The following MBNL1 variants were observed in gnomAD, a reference collection of about 807,000 sequenced individuals.
MBNL1 encodes muscleblind like splicing regulator 1, also known as muscleblind-like protein 1.
Under a neutral mutation model 42.2 loss-of-function variants are expected in MBNL1, and 8 were observed. That is an observed-to-expected ratio of 0.19 (90% CI 0.11 to 0.34). The LOEUF (loss-of-function observed/expected upper bound fraction) is 0.34, where lower values mean the gene tolerates loss of function less well. Ranked by LOEUF, MBNL1 falls within the 10% of genes least tolerant of loss-of-function variation. MBNL1 has a pLI of 1.00. For missense variants in MBNL1, 309 were observed against 495.3 expected (o/e 0.62, Z 3.57); for synonymous variants, 169 against 173.9 (o/e 0.97, Z 0.22).
intron 2 of MBNL1, among the ~76,000 whole-genome samples, chr3:152,354,465 A>G (rs1047765682): frequency 2.0e-5 from 3 of 152,208 alleles, no homozygotes; most frequent in African/African-American, 7.2e-5. Flanking sequence ...TAAAAAAGAA[A>G]AAATTACGTA....
At chr3:152,458,158 G>A (rs1254252091) in intron 8 of MBNL1, 3 of 1,613,860 alleles carry the variant, frequency 1.9e-6, no homozygotes. Context: ...TACACTGTTG[G>A]GTGCAACATC....
intron 2 of MBNL1, chr3:152,396,127 T>C: frequency 3.1e-6 from 1 of 319,480 alleles, no homozygotes; most frequent in South Asian, 2.6e-5. Flanking sequence ...TATGAGAATC[T>C]AATGCCTGAT....
chr3:152,256,882 A>G (rs940791273), intron 2 of MBNL1, among the ~76,000 whole-genome samples: 6 of 151,918 alleles, frequency 3.9e-5, no homozygotes, highest in Non-Finnish European at 7.4e-5. Context: ...CTGGCCTTGG[A>G]CTGAGTGTGT....
intron 6 of MBNL1, among the ~76,000 whole-genome samples, chr3:152,453,062 AAAT>A (rs1021065828): frequency 6.6e-5 from 10 of 151,654 alleles, no homozygotes; most frequent in African/African-American, 1.7e-4. Context: ...TAATTAATAA[AAAT>A]AAAGAAGGTA....
At chr3:152,332,739 T>TGCGTGTGCGCGC (rs1553840940) in intron 2 of MBNL1, among the ~76,000 whole-genome samples, 1 of 115,646 alleles carries the variant, frequency 8.6e-6, no homozygotes, top group Non-Finnish European at 1.9e-5. Context: ...TGTGTGTGTG[T>TGCGTGTGCGCGC]GCGCGCGCGC....
intron 1 of MBNL1, among the ~76,000 whole-genome samples, chr3:152,292,459 A>G (rs918234854): frequency 4.6e-5 from 7 of 152,142 alleles, no homozygotes; most frequent in Non-Finnish European, 1.0e-4. Flanking sequence ...TAGGGAACCA[A>G]ACTGTTGAAT....
intron 4 of MBNL1, among the ~76,000 whole-genome samples, chr3:152,443,645 G>T (rs1463048804): frequency 6.6e-6 from 1 of 151,874 alleles, no homozygotes; most frequent in Non-Finnish European, 1.5e-5. Context: ...CAGCCAGAGA[G>T]GAGGATAATT....
chr3:152,323,008 A>G (rs1357075524), intron 2 of MBNL1, among the ~76,000 whole-genome samples: 1 of 152,114 alleles, frequency 6.6e-6, no homozygotes, highest in Non-Finnish European at 1.5e-5. Context: ...CAGGTCAGCA[A>G]CAGACTTGCC....
intron 2 of MBNL1, among the ~76,000 whole-genome samples, chr3:152,355,053 C>A (rs1004517656): frequency 6.6e-6 from 1 of 152,090 alleles, no homozygotes; most frequent in Non-Finnish European, 1.5e-5. Context: ...CATTATTCCT[C>A]CAGAGCTTGG....
chr3:152,252,165 T>TTCCTTCCTTCCC (rs2034690861), intron 2 of MBNL1, among the ~76,000 whole-genome samples: 8 of 144,230 alleles, frequency 5.5e-5, no homozygotes, highest in African/African-American at 1.6e-4. Flanking sequence ...CCTTCCTTCC[T>TTCCTTCCTTCCC]TCCTTCCTTC....
At chr3:152,388,475 T>C (rs1182427290) in intron 2 of MBNL1, among the ~76,000 whole-genome samples, 1 of 152,230 alleles carries the variant, frequency 6.6e-6, no homozygotes, top group Non-Finnish European at 1.5e-5. Flanking sequence ...CCAGTCCCAG[T>C]CCCATAGTTG....
At chr3:152,315,095 G>A (rs2069901155) in intron 2 of MBNL1, among the ~76,000 whole-genome samples, 1 of 152,222 alleles carries the variant, frequency 6.6e-6, no homozygotes, top group South Asian at 2.1e-4. Context: ...TGTAGCCTGT[G>A]TAATTGAGTT....
At chr3:152,459,616 A>C (rs1740864847) in intron 9 of MBNL1, among the ~76,000 whole-genome samples, 1 of 152,182 alleles carries the variant, frequency 6.6e-6, no homozygotes, top group African/African-American at 2.4e-5. Context: ...ACCAAAAAGT[A>C]ATTAGAAGGT....
At chr3:152,370,767 T>G (rs1349170369) in intron 2 of MBNL1, among the ~76,000 whole-genome samples, 8 of 152,048 alleles carry the variant, frequency 5.3e-5, no homozygotes, top group African/African-American at 1.9e-4. Flanking sequence ...TTCTTTGTCT[T>G]TTTTGATCTT....
intron 3 of MBNL1, 52 bp downstream of exon 3, chr3:152,415,163 G>T (rs776451756): frequency 6.7e-7 from 1 of 1,484,038 alleles, no homozygotes; most frequent in South Asian, 1.4e-5. Flanking sequence ...AAAGTGCTCA[G>T]TTGTAGTACT....
At chr3:152,343,239 T>C (rs985587891) in intron 2 of MBNL1, among the ~76,000 whole-genome samples, 2 of 152,188 alleles carry the variant, frequency 1.3e-5, no homozygotes, top group East Asian at 1.9e-4. Flanking sequence ...GTTAAGCAGA[T>C]GATGGGATTA....
intron 2 of MBNL1, among the ~76,000 whole-genome samples, chr3:152,358,492 A>G (rs1386242689): frequency 1.3e-5 from 2 of 152,170 alleles, no homozygotes; most frequent in Admixed American, 1.3e-4. Context: ...TATGTATTTC[A>G]TTTACTGTTA....
rs115826413 is a variant in MBNL1, at chr3:152,280,354, C to T, written c.-790+11262C>T. Among the ~76,000 whole-genome samples, 1,256 of 152,230 alleles carry T rather than the reference C, an allele frequency of 8.3e-3. 16 individuals are homozygous for T. The highest frequency in any genetic ancestry group is 0.029 in the African/African-American group (1,194 of 41,560). The stretch of plus-strand genomic sequence containing the variant: ...TACTTTGTATATATTGGAGAAGAGA[C>T]AAAATCAACTCATAATTTATTAAAA... On this transcript the variant is annotated intron_variant, in intron 1 of 9. Transcript: ENST00000324210.
At chr3:152,397,067 G>C (rs927104979) in intron 2 of MBNL1, among the ~76,000 whole-genome samples, 2 of 152,160 alleles carry the variant, frequency 1.3e-5, no homozygotes, top group African/African-American at 4.8e-5. Flanking sequence ...ATGCAATCCT[G>C]TTGGCACATG....
Sources: gnomAD v4.1 joint callset for allele counts (sites outside exome capture counted in the v4.1 genomes callset) on GRCh38, gnomAD v4.1.1 for gene constraint, MANE v1.5 for transcripts, NCBI Gene and HGNC (gene_info 2026-07-23, HGNC 2026-07-21) for gene names.